PDXDC1: variants seen among roughly 807,000 people sequenced by gnomAD.
PDXDC1 encodes the protein pyridoxal dependent decarboxylase domain containing 1, also known as pyridoxal-dependent decarboxylase domain-containing protein 1.
A neutral mutation model predicts 100.1 loss-of-function variants in PDXDC1; 42 were observed. The observed-to-expected ratio is 0.42, with a 90% CI of 0.33 to 0.54. The LOEUF is 0.54. Ranked by LOEUF, PDXDC1 falls within the 20% of genes least tolerant of loss-of-function variation. The pLI, the probability that PDXDC1 is intolerant of heterozygous loss-of-function variation, is 0.10. For synonymous variants in PDXDC1, 260 were observed against 371.7 expected, an observed-to-expected ratio of 0.70 and a Z score of 3.46; for missense variants, 636 against 979.2, an observed-to-expected ratio of 0.65 and a Z score of 4.68.
chr16:15,133,477 C>T (rs1158717687), intron 16 of PDXDC1: 38 of 837,336 alleles, frequency 4.5e-5, no homozygotes, highest in African/African-American at 2.5e-4. Context: ...CGCCCTCCCA[C>T]GGCCTGGCTC....
At chr16:15,057,573 T>C (rs1265866442) in intron 16 of PDXDC1, among the ~76,000 whole-genome samples, 1 of 152,210 alleles carries the variant, frequency 6.6e-6, no homozygotes, top group African/African-American at 2.4e-5. Flanking sequence ...TGACATTAAG[T>C]AAGTCCCAAC....
At position 15,018,876 on chromosome 16, in the gene PDXDC1, G is replaced by C; in HGVS notation, c.1000G>C (p.Asp334His). The C allele has an allele frequency of 1.2e-6, 2 of 1,614,062 alleles. No homozygotes were observed. The highest frequency in any genetic ancestry group is 4.5e-5 in the East Asian group (2 of 44,888). The stretch of plus-strand genomic sequence containing the variant: ...TGGTCTTACATCAAATAAGCCCACA[G>C]ACAAACTCCGTGCCCTGCCTCTGTG... ...VAGLTSNKPT[D>H]KLRALPLWLS... is the part of the protein sequence containing the mutation. The change falls in exon 12 of 23, where the codon GAC (aspartate) becomes CAC (histidine). Residue 334 changes from aspartate to histidine, a missense_variant. By Grantham distance (81) the Asp-to-His change is moderately conservative (BLOSUM62 -1). Transcript: ENST00000396410.
chr16:15,015,819 A>T (rs1597518107), intron 8 of PDXDC1: 2 of 526,806 alleles, frequency 3.8e-6, no homozygotes, highest in Admixed American at 7.6e-5. Context: ...ATATTGACAA[A>T]CCACAATCTT....
rs977911189 is a variant in PDXDC1 at position 15,037,725 on chromosome 16, T to C, written c.*1450T>C. 1.2e-5 allele frequency: 3 copies of C among 246,874 alleles called. No individual in the cohort carries two copies. Among genetic ancestry groups the C allele is most frequent in the Non-Finnish European group, 2.3e-5 (3 of 130,930 alleles). 15.3% of individuals were successfully genotyped at this position (246,874 alleles called of 1,614,324 possible). On this transcript the variant is annotated 3_prime_UTR_variant, in exon 23 of 23. Transcript: ENST00000396410. Reference sequence around the variant, plus strand: ...GTTTATAAATCTTATTACAAAAGACTTACCCACGTACCTGAAATAGCTGCC... The same window carrying C: ...GTTTATAAATCTTATTACAAAAGACCTACCCACGTACCTGAAATAGCTGCC...
chr16:15,146,474 C>T, the PDXDC1 span, among the ~76,000 whole-genome samples: 2 of 152,138 alleles, frequency 1.3e-5, no homozygotes, highest in Non-Finnish European at 2.9e-5. Flanking sequence ...ACTTCCCAGC[C>T]CCGCACGTCT....
At chr16:15,030,152 G>A (rs2042949573) in intron 16 of PDXDC1, 96 bp downstream of exon 16, 9 of 1,045,756 alleles carry the variant, frequency 8.6e-6, no homozygotes, top group Admixed American at 6.9e-5. Context: ...AGAGTTATTA[G>A]CAGCTCTTTT....
At chr16:15,106,572 A>C (rs554420673) in intron 16 of PDXDC1, among the ~76,000 whole-genome samples, 2 of 150,068 alleles carry the variant, frequency 1.3e-5, no homozygotes, top group Non-Finnish European at 3.0e-5. Flanking sequence ...TGGCTAATAC[A>C]GTGAAACCCT....
intron 16 of PDXDC1, chr16:15,063,306 A>G: frequency 6.4e-6 from 10 of 1,563,664 alleles, no homozygotes; most frequent in Non-Finnish European, 8.8e-6. Flanking sequence ...ATCACATTTC[A>G]AAGTCAAGTT....
intron 16 of PDXDC1, among the ~76,000 whole-genome samples, chr16:15,054,920 G>A (rs938816117): frequency 1.3e-5 from 2 of 152,090 alleles, no homozygotes; most frequent in African/African-American, 4.8e-5. Context: ...CAACACACTT[G>A]GTCAGGTTCC....
At chr16:15,086,357 G>C (rs369173018) in intron 16 of PDXDC1, 6 of 1,613,434 alleles carry the variant, frequency 3.7e-6, no homozygotes, top group Non-Finnish European at 5.1e-6. Flanking sequence ...AATAAATGGT[G>C]AACTTACTAA....
chr16:14,990,011 A>C (rs9928601), intron 1 of PDXDC1: 538,841 of 1,434,316 alleles, frequency 0.38, 55,085 homozygotes, highest in East Asian at 0.68. Context: ...AGGACCAGGG[A>C]AGCAGGTGCA....
intron 16 of PDXDC1, among the ~76,000 whole-genome samples, chr16:15,068,868 G>T (rs566251652): frequency 6.6e-6 from 1 of 152,164 alleles, no homozygotes; most frequent in South Asian, 2.1e-4. Context: ...TATTTTAAGA[G>T]GCAAGCTGAC....
At position 15,028,750 on chromosome 16, in the gene PDXDC1, A is replaced by C. The variant is rs1446059736; in HGVS notation, c.1205-128A>C. On this transcript the variant is annotated intron_variant, in intron 14 of 22. Transcript: ENST00000396410. ...TAGCCCTTCTGTCAGATAATACATG[A>C]GAATTCAGTAATACGAGTCAGTGCC... 5 of 799,116 alleles carry C rather than the reference A, an allele frequency of 6.3e-6. No homozygotes were observed. In the Admixed American group the frequency reaches 1.0e-4, roughly 16 times the overall value. The allele number at this position is 799,116 out of a possible 1,614,324, so 49.5% of individuals were successfully genotyped here. A position where few individuals can be genotyped will look rare whatever the true frequency, so the allele number is the denominator to read the frequency against.
intron 1 of PDXDC1, among the ~76,000 whole-genome samples, chr16:14,986,294 C>T (rs558798061): frequency 6.6e-6 from 1 of 152,402 alleles, no homozygotes; most frequent in African/African-American, 2.4e-5. Context: ...TGGTAAGATC[C>T]CGTCTCTACT....
chr16:15,060,358 A>T (rs1170438587), intron 16 of PDXDC1: 1 of 197,722 alleles, frequency 5.1e-6, no homozygotes, highest in Non-Finnish European at 1.1e-5. Flanking sequence ...TTAAAGCAAT[A>T]AAAATTTCTA....
At chr16:15,127,743 G>A (rs747946917) in intron 16 of PDXDC1, 158 of 1,542,676 alleles carry the variant, frequency 1.0e-4, no homozygotes, top group South Asian at 1.9e-4. Flanking sequence ...CCAGGAAGAG[G>A]CAGATGAGGA....
At chr16:15,024,289 C>G (rs2042418135) in intron 13 of PDXDC1, among the ~76,000 whole-genome samples, 1 of 152,270 alleles carries the variant, frequency 6.6e-6, no homozygotes, top group African/African-American at 2.4e-5. Context: ...TTGTGAAATT[C>G]ATGTGTGGTA....
chr16:15,039,855 A>T, downstream of PDXDC1: 1 of 678,604 alleles, frequency 1.5e-6, no homozygotes, highest in Non-Finnish European at 2.6e-6. Context: ...CTGATAATGT[A>T]CGGCTATAAA....
chr16:15,041,913 G>A (rs967302254), downstream of PDXDC1, among the ~76,000 whole-genome samples: 1 of 152,194 alleles, frequency 6.6e-6, no homozygotes, highest in Admixed American at 6.5e-5. Flanking sequence ...AAGGAGCCTG[G>A]GCTGAGCCTT....
Sources: allele counts gnomAD v4.1 joint callset (sites outside exome capture counted in the v4.1 genomes callset), GRCh38; gene constraint gnomAD v4.1.1; transcripts MANE v1.5; gene names NCBI Gene and HGNC (gene_info 2026-07-23, HGNC 2026-07-21).